Variants in REC114 observed in about 807,000 individuals in gnomAD.
REC114 encodes meiotic recombination protein REC114.
REC114 carries 27 observed loss-of-function variants against 31.3 expected under a neutral mutation model. That is an observed-to-expected ratio of 0.86 (90% CI 0.64 to 1.19). The LOEUF is 1.19. Among genes scored for constraint, REC114 ranks in the 50% most tolerant of loss-of-function variants. REC114 has a pLI of 0.00. For synonymous variants in REC114, 134 were observed against 127.7 expected, an observed-to-expected ratio of 1.05 and a Z score of -0.33; for missense variants, 344 against 326.9, an observed-to-expected ratio of 1.05 and a Z score of -0.40.
chr15:73,470,090 C>A (rs1595863414), intron 1 of REC114, among the ~76,000 whole-genome samples: 1 of 152,038 alleles, frequency 6.6e-6, no homozygotes, highest in Non-Finnish European at 1.5e-5. Flanking sequence ...CAACCTCTGC[C>A]TTTAATTGAG....
At chr15:73,466,372 G>A (rs1893059439) in intron 1 of REC114, among the ~76,000 whole-genome samples, 1 of 151,856 alleles carries the variant, frequency 6.6e-6, no homozygotes, top group African/African-American at 2.4e-5. Flanking sequence ...GGCCAACATG[G>A]TGAAACCCCA....
intron 2 of REC114, among the ~76,000 whole-genome samples, chr15:73,516,363 C>T (rs188510522): frequency 2.0e-4 from 31 of 152,066 alleles, no homozygotes; most frequent in Non-Finnish European, 4.0e-4. Flanking sequence ...GAAAGATACT[C>T]GCCACCAGCC....
chr15:73,506,337 T>G (rs1893676800), intron 2 of REC114, among the ~76,000 whole-genome samples: 1 of 152,310 alleles, frequency 6.6e-6, no homozygotes, highest in African/African-American at 2.4e-5. Context: ...TTAATGTCAC[T>G]TAGTATTGTC....
At chr15:73,546,137 G>A (rs1051752941) in intron 3 of REC114, among the ~76,000 whole-genome samples, 4 of 152,038 alleles carry the variant, frequency 2.6e-5, no homozygotes, top group African/African-American at 9.7e-5. Context: ...TGACCAATAA[G>A]CATAAGAAAG....
chr15:73,464,543 C>T (rs11638992), intron 1 of REC114, among the ~76,000 whole-genome samples: 3,821 of 152,074 alleles, frequency 0.025, 95 homozygotes, highest in African/African-American at 0.06. Context: ...AGAGTGGACA[C>T]TTTAAGGTGC....
chr15:73,492,319 T>C (rs1234199651), intron 2 of REC114, among the ~76,000 whole-genome samples: 1 of 152,224 alleles, frequency 6.6e-6, no homozygotes, highest in African/African-American at 2.4e-5. Flanking sequence ...TTGTCCATAT[T>C]ATATTTATGG....
intron 2 of REC114, among the ~76,000 whole-genome samples, chr15:73,529,329 G>A (rs182837686): frequency 0.015 from 2,281 of 151,896 alleles, 27 homozygotes; most frequent in Non-Finnish European, 0.022. Flanking sequence ...TAGTAAAGAC[G>A]GGGTTTCACC....
At chr15:73,466,259 A>G (rs1893057291) in intron 1 of REC114, among the ~76,000 whole-genome samples, 1 of 151,998 alleles carries the variant, frequency 6.6e-6, no homozygotes, top group Admixed American at 6.6e-5. Context: ...TTTTAAGTAA[A>G]ATTAAGCATT....
chr15:73,466,408 G>A (rs1466957839), intron 1 of REC114, among the ~76,000 whole-genome samples: 1 of 151,898 alleles, frequency 6.6e-6, no homozygotes, highest in East Asian at 2.0e-4. Flanking sequence ...CAAAAAATTA[G>A]CCAAGTGTGG....
chr15:73,509,870 T>C (rs1289413577), intron 2 of REC114, among the ~76,000 whole-genome samples: 2 of 152,022 alleles, frequency 1.3e-5, no homozygotes, highest in South Asian at 2.1e-4. Flanking sequence ...TGAAGTCAGG[T>C]AGTGTGATGC....
intron 2 of REC114, among the ~76,000 whole-genome samples, chr15:73,475,616 T>A (rs976313928): frequency 1.3e-5 from 2 of 152,232 alleles, no homozygotes; most frequent in Non-Finnish European, 2.9e-5. Context: ...TTTTTTAAAA[T>A]TTTTTTGAAG....
intron 2 of REC114, among the ~76,000 whole-genome samples, chr15:73,528,068 A>T (rs1305458753): frequency 6.6e-6 from 1 of 152,172 alleles, no homozygotes; most frequent in African/African-American, 2.4e-5. Context: ...TTTTTTAAAA[A>T]AAAACCCTCA....
intron 2 of REC114, among the ~76,000 whole-genome samples, chr15:73,492,457 A>G (rs1409388707): frequency 6.6e-6 from 1 of 152,172 alleles, no homozygotes; most frequent in Non-Finnish European, 1.5e-5. Flanking sequence ...ACTCTTGTAT[A>G]TCTTTTGGTG....
At chr15:73,543,420 C>G (rs1294497660) in intron 3 of REC114, among the ~76,000 whole-genome samples, 1 of 152,090 alleles carries the variant, frequency 6.6e-6, no homozygotes, top group Non-Finnish European at 1.5e-5. Flanking sequence ...GCAACCTCCT[C>G]CCGTGTTCAA....
At chr15:73,523,717 T>C (rs943627204) in intron 2 of REC114, among the ~76,000 whole-genome samples, 4 of 152,236 alleles carry the variant, frequency 2.6e-5, no homozygotes, top group Non-Finnish European at 4.4e-5. Context: ...GTCTGATTTA[T>C]GAAATGTTTC....
At chr15:73,448,639 C>T (rs114711416) in intron 1 of REC114, among the ~76,000 whole-genome samples, 3,062 of 152,260 alleles carry the variant, frequency 0.02, 127 homozygotes, top group African/African-American at 0.07. Context: ...GCATAGTGTT[C>T]GAACTCTGAT....
At chr15:73,443,593 A>G (rs147453166) in intron 1 of REC114, among the ~76,000 whole-genome samples, 1,771 of 152,306 alleles carry the variant, frequency 0.012, 30 homozygotes, top group African/African-American at 0.041. Flanking sequence ...CATATATTCA[A>G]TGTGTATTTA....
intron 2 of REC114, among the ~76,000 whole-genome samples, chr15:73,504,816 T>A (rs1893653348): frequency 6.6e-6 from 1 of 152,218 alleles, no homozygotes; most frequent in Non-Finnish European, 1.5e-5. Context: ...GTATAAAAAA[T>A]TTTGTGGGTT....
chr15:73,511,074 G>A (rs1040022442), intron 2 of REC114, among the ~76,000 whole-genome samples: 7 of 151,052 alleles, frequency 4.6e-5, no homozygotes, highest in African/African-American at 1.5e-4. Flanking sequence ...ATCTGGTCCT[G>A]GACTCTTTTT....
Sources: allele counts gnomAD v4.1 joint callset (sites outside exome capture counted in the v4.1 genomes callset), GRCh38; gene constraint gnomAD v4.1.1; transcripts MANE v1.5; gene names NCBI Gene and HGNC (gene_info 2026-07-23, HGNC 2026-07-21).